Variants in ZNF516 observed in about 807,000 individuals in gnomAD.
ZNF516 encodes zinc finger protein 516.
A neutral mutation model predicts 79.7 loss-of-function variants in ZNF516; 19 were observed. The observed-to-expected ratio is 0.24, with a 90% CI of 0.17 to 0.35. ZNF516 has a LOEUF of 0.35. Among genes scored for constraint, ZNF516 ranks in the 10% least tolerant of loss-of-function variants. ZNF516 has a pLI of 1.00. For missense variants in ZNF516, 1,678 were observed against 1,679.5 expected, an observed-to-expected ratio of 1.00 and a Z score of 0.02; for synonymous variants, 877 against 739.5, an observed-to-expected ratio of 1.19 and a Z score of -3.02.
chr18:76,440,983 A>T (rs1191430197), intron 3 of ZNF516, among the ~76,000 whole-genome samples: 1 of 152,194 alleles, frequency 6.6e-6, no homozygotes, highest in South Asian at 2.1e-4. Context: ...TCTGCACTCC[A>T]AAGTGCCAGT....
intron 4 of ZNF516, among the ~76,000 whole-genome samples, chr18:76,374,833 G>A (rs746770679): frequency 6.6e-6 from 1 of 152,132 alleles, no homozygotes; most frequent in Non-Finnish European, 1.5e-5. Context: ...TAGCAGACAC[G>A]TAACAAACAC....
In ZNF516 at chr18:76,447,196, G is replaced by GT. The variant is rs375009063; in HGVS notation, c.-157-3986dup. ...CTTCCAAAAAAAGAACAAGAATGCT[G>GT]TCCTCAGAGCTTCCAACTTCAAAAC... On this transcript the variant is annotated intron_variant, in intron 2 of 6. Transcript: ENST00000443185. Among the ~76,000 whole-genome samples, 294 of 152,356 alleles carry GT rather than the reference G, an allele frequency of 1.9e-3. 2 individuals are homozygous for GT. The highest frequency in any genetic ancestry group is 4.4e-3 in the Admixed American group (68 of 15,312).
At chr18:76,368,141 G>A (rs1297800984) in intron 6 of ZNF516, among the ~76,000 whole-genome samples, 1 of 152,056 alleles carries the variant, frequency 6.6e-6, no homozygotes. Context: ...AATCTATAAG[G>A]TATCTTAAAT....
intron 3 of ZNF516, among the ~76,000 whole-genome samples, chr18:76,405,719 G>A (rs1003234961): frequency 2.0e-5 from 3 of 151,978 alleles, no homozygotes; most frequent in Non-Finnish European, 2.9e-5. Flanking sequence ...AACGCCCCCG[G>A]TTGGTGACTC....
Position 76,366,497 on chromosome 18 carries a change from A to C in ZNF516, c.3433-3940T>G, listed in dbSNP as rs57776928. ...TAACGACAAGTCTCTTAAACCAAAC[A>C]AAACAAAGAGAAGCACGCTGGCAGG... On this transcript the variant is annotated intron_variant, in intron 6 of 6. Coordinates refer to ENST00000443185, the MANE Select transcript of ZNF516 (RefSeq NM_014643.4). Among the ~76,000 whole-genome samples, 523 of 152,332 alleles carry C rather than the reference A, an allele frequency of 3.4e-3. 3 individuals carry two copies. The highest frequency in any genetic ancestry group is 0.012 in the African/African-American group (493 of 41,572).
rs535455478 is a variant in ZNF516, at chr18:76,457,364, G to A, written c.-158+5664C>T. Among the ~76,000 whole-genome samples the A allele has an allele frequency of 2.6e-5, 4 of 152,300 alleles. No individual in the cohort carries two copies. In the South Asian group the frequency reaches 8.3e-4, roughly 32 times the overall value. On this transcript the variant is annotated intron_variant, in intron 2 of 6. Coordinates refer to ENST00000443185, the MANE Select transcript of ZNF516 (RefSeq NM_014643.4). ...TCAAACTAGTTCTTAAATCCCTTAA[G>A]GGAAACTACGTTAACTAAATAAGAA...
rs1453851567 is a variant in ZNF516, at chr18:76,443,021, T to G, written c.34A>C (p.Arg12=). The G allele has an allele frequency of 6.3e-7, 1 of 1,597,506 alleles. No homozygotes were observed. Among genetic ancestry groups the G allele is most frequent in the Non-Finnish European group, 8.5e-7 (1 of 1,177,304 alleles). ...DRNREAEMEL[R]RGPSPTRAGR... ...GCCCTGGTGGGGCTGGGGCCTCGCCTCAGCTCCATCTCGGCCTCTCTGTTG... is the reference window on the plus strand; with the variant it reads ...GCCCTGGTGGGGCTGGGGCCTCGCCGCAGCTCCATCTCGGCCTCTCTGTTG... The change falls in exon 3 of 7, where the codon AGG becomes CGG. Residue 12 remains arginine (R), a synonymous_variant. Coordinates refer to ENST00000443185, the MANE Select transcript of ZNF516 (RefSeq NM_014643.4).
intron 3 of ZNF516, among the ~76,000 whole-genome samples, chr18:76,399,476 A>G (rs2075189775): frequency 6.6e-6 from 1 of 152,240 alleles, no homozygotes; most frequent in African/African-American, 2.4e-5. Context: ...AGCATATCCA[A>G]CTTCAAAAAT....
chr18:76,382,166 T>C (rs1164600204), intron 3 of ZNF516, among the ~76,000 whole-genome samples: 1 of 151,856 alleles, frequency 6.6e-6, no homozygotes, highest in African/African-American at 2.4e-5. Flanking sequence ...TAAAATAAAT[T>C]TTAAAATAAA....
At chr18:76,414,603 T>G (rs1302153361) in intron 3 of ZNF516, among the ~76,000 whole-genome samples, 2 of 152,262 alleles carry the variant, frequency 1.3e-5, no homozygotes. Flanking sequence ...TTTAACTTTC[T>G]TCACCCGAAG....
intron 6 of ZNF516, among the ~76,000 whole-genome samples, chr18:76,363,396 T>C (rs1599123937): frequency 6.6e-6 from 1 of 151,606 alleles, no homozygotes; most frequent in African/African-American, 2.4e-5. Context: ...AATGGCGGAG[T>C]GGGGGAAGGT....
intron 2 of ZNF516, among the ~76,000 whole-genome samples, chr18:76,453,194 C>T (rs1228057309): frequency 6.6e-6 from 1 of 152,200 alleles, no homozygotes; most frequent in Non-Finnish European, 1.5e-5. Context: ...AGAGCCCCTT[C>T]GTCTGCCACA....
chr18:76,441,384 T>A lies in ZNF516; in HGVS notation c.1671A>T (p.Gly557=). The change falls in exon 3 of 7, where the codon GGA becomes GGT. Residue 557 remains glycine, a synonymous_variant. Coordinates refer to ENST00000443185, the MANE Select transcript of ZNF516 (RefSeq NM_014643.4). ...DGDRAARARC[G]SLSEGDSASQ... is the part of the protein sequence containing the mutation. ...AGGCCGAGTCACCCTCACTGAGTGATCCGCAGCGGGCCCGCGCCGCCCTGT... is the reference window on the plus strand; with the variant it reads ...AGGCCGAGTCACCCTCACTGAGTGAACCGCAGCGGGCCCGCGCCGCCCTGT... The A allele has an allele frequency of 1.2e-6, 2 of 1,610,246 alleles. No homozygotes were observed. Among genetic ancestry groups the A allele is most frequent in the Non-Finnish European group, 1.7e-6 (2 of 1,178,920 alleles).
intron 2 of ZNF516, among the ~76,000 whole-genome samples, chr18:76,449,985 G>A (rs570120840): frequency 6.6e-6 from 1 of 152,158 alleles, no homozygotes; most frequent in East Asian, 1.9e-4. Context: ...ACTCTTCGTA[G>A]AAATTAAACC....
At chr18:76,419,038 A>C (rs1418908748) in intron 3 of ZNF516, among the ~76,000 whole-genome samples, 1 of 152,196 alleles carries the variant, frequency 6.6e-6, no homozygotes, top group African/African-American at 2.4e-5. Context: ...CTTCCATTTC[A>C]CACCATCTCA....
upstream of ZNF516, chr18:76,496,367 G>A (rs183280133): frequency 3.4e-3 from 4,433 of 1,289,704 alleles, 13 homozygotes; most frequent in Non-Finnish European, 4.2e-3. Flanking sequence ...GCTCCGCGTA[G>A]CAATCAGCGC....
chr18:76,380,813 C>T (rs1284780063), intron 3 of ZNF516, among the ~76,000 whole-genome samples: 1 of 152,162 alleles, frequency 6.6e-6, no homozygotes, highest in Non-Finnish European at 1.5e-5. Context: ...CCCCCCGTGT[C>T]TGCCTCCGAA....
At chr18:76,374,702 GACCATTC>G (rs2074759240) in intron 4 of ZNF516, among the ~76,000 whole-genome samples, 1 of 152,164 alleles carries the variant, frequency 6.6e-6, no homozygotes, top group Non-Finnish European at 1.5e-5. Flanking sequence ...TATTCTCTGA[GACCATTC>G]TCCTCTGCAT....
chr18:76,491,474 G>A (rs1212721950), intron 1 of ZNF516, among the ~76,000 whole-genome samples: 39 of 141,650 alleles, frequency 2.8e-4, no homozygotes, highest in Non-Finnish European at 5.6e-4. Context: ...TGCGAAGTTG[G>A]GCTGTGGGTC....
Sources: gnomAD v4.1 joint callset for allele counts (sites outside exome capture counted in the v4.1 genomes callset) on GRCh38, gnomAD v4.1.1 for gene constraint, MANE v1.5 for transcripts, NCBI Gene and HGNC (gene_info 2026-07-23, HGNC 2026-07-21) for gene names.